Variants in IL18 observed in about 807,000 individuals in gnomAD.
IL18 encodes interleukin 18, also known as interleukin-18.
IL18 carries 8 observed loss-of-function variants against 14.2 expected under a neutral mutation model. That is an observed-to-expected ratio of 0.56 (90% CI 0.33 to 1.01). The LOEUF is 1.01. IL18 is among the 50% of genes least tolerant of loss of function. IL18 has a pLI of 0.03. For missense variants in IL18, 166 were observed against 231.1 expected, an observed-to-expected ratio of 0.72 and a Z score of 1.83; for synonymous variants, 67 against 71.0, an observed-to-expected ratio of 0.94 and a Z score of 0.28.
At chr11:112,154,723 G>T (rs1866503756) in intron 2 of IL18, among the ~76,000 whole-genome samples, 1 of 152,216 alleles carries the variant, frequency 6.6e-6, no homozygotes, top group Admixed American at 6.5e-5. Context: ...GGATTTTCAT[G>T]ATGTGCACTT....
At chr11:112,151,405 T>C (rs1411955814) in intron 3 of IL18, among the ~76,000 whole-genome samples, 2 of 152,150 alleles carry the variant, frequency 1.3e-5, no homozygotes, top group African/African-American at 4.8e-5. Context: ...GTAGCTATCA[T>C]TATTTCTGGG....
At chr11:112,152,019 T>C (rs192795743) in intron 3 of IL18, among the ~76,000 whole-genome samples, 1 of 152,330 alleles carries the variant, frequency 6.6e-6, no homozygotes, top group Non-Finnish European at 1.5e-5. Context: ...TGCATAAGCC[T>C]TCAATATCTC....
At chr11:112,157,160 C>T (rs1866548642) in intron 1 of IL18, among the ~76,000 whole-genome samples, 1 of 152,086 alleles carries the variant, frequency 6.6e-6, no homozygotes, top group South Asian at 2.1e-4. Flanking sequence ...ACTGAGAAGG[C>T]AGACATTTGT....
Position 112,153,349 on chromosome 11 carries a change from T to A in IL18, c.91+243A>T, listed in dbSNP as rs1866480053. The A allele has an allele frequency of 2.4e-5, 9 of 379,000 alleles. No homozygotes were observed. The East Asian group carries it at 3.1e-4, about 13-fold the overall frequency. 23.5% of individuals were successfully genotyped at this position (379,000 alleles called of 1,614,324 possible). ...CCTATGAAACAGGCAAAGTCTATTT[T>A]GTAGATTCTAAGAGCTGGAGAATTT... On this transcript the variant is annotated intron_variant, in intron 3 of 5. Coordinates refer to ENST00000280357, the MANE Select transcript of IL18 (RefSeq NM_001562.4).
In IL18 at chr11:112,143,573, C is replaced by T. The variant is rs201110375; in HGVS notation, c.*23G>A. The T allele has an allele frequency of 4.1e-5, 63 of 1,527,698 alleles. 1 individual carries two copies. The highest frequency in any genetic ancestry group is 3.4e-4 in the Middle Eastern group (2 of 5,944). The allele number at this position is 1,527,698 out of a possible 1,614,324, so 94.6% of individuals were successfully genotyped here. On this transcript the variant is annotated 3_prime_UTR_variant, in exon 6 of 6. Coordinates refer to ENST00000280357, the MANE Select transcript of IL18 (RefSeq NM_001562.4). The stretch of plus-strand genomic sequence containing the variant: ...CTGGGATTACAGGCGTGAGCCACTG[C>T]GCCCGGCATGAAATTTTAATAGCTA...
In IL18 at chr11:112,150,083, G is replaced by C; in HGVS notation, c.215C>G (p.Ser72Cys). 1 of 1,600,888 alleles carries C rather than the reference G, an allele frequency of 6.2e-7. No individual in the cohort carries two copies. The highest frequency in any genetic ancestry group is 8.5e-7 in the Non-Finnish European group (1 of 1,176,422). ...ATTAAAAAAAATACCTCTACAGTCA[G>C]AATCAGTCATATCTTCAAATAGAGG... ...NRPLFEDMTD[S>C]DCRDNAPRTI... Residue 72 changes from serine to cysteine, a missense_variant, in exon 4 of 6, where the codon TCT (serine) becomes TGT (cysteine). Ser to Cys is a moderately radical substitution (Grantham distance 112). Coordinates refer to ENST00000280357, the MANE Select transcript of IL18 (RefSeq NM_001562.4).
chr11:112,157,645 G>C (rs1000943879), intron 1 of IL18, among the ~76,000 whole-genome samples: 1 of 152,156 alleles, frequency 6.6e-6, no homozygotes, highest in African/African-American at 2.4e-5. Flanking sequence ...TGATGACTGT[G>C]CTACCTTGAA....
At chr11:112,153,042 C>G (rs1179270592) in intron 3 of IL18, 3 of 152,490 alleles carry the variant, frequency 2.0e-5, no homozygotes, top group African/African-American at 7.2e-5. Context: ...TACTCCTACT[C>G]TACTTCCATT....
chr11:112,149,347 C>A (rs1293226423), intron 4 of IL18, among the ~76,000 whole-genome samples: 2 of 151,804 alleles, frequency 1.3e-5, no homozygotes, highest in African/African-American at 4.8e-5. Context: ...ACAACACACA[C>A]GCTGCAACTT....
chr11:112,160,032 G>A (rs1041749167), intron 1 of IL18, among the ~76,000 whole-genome samples: 1 of 152,096 alleles, frequency 6.6e-6, no homozygotes, highest in Non-Finnish European at 1.5e-5. Flanking sequence ...TTCAAAACAT[G>A]TCCTAGTTAC....
rs1866382524 is a variant in IL18 at position 112,148,681 on chromosome 11, T to C, written c.282A>G (p.Arg94=). Residue 94 remains arginine, a synonymous_variant, in exon 5 of 6, where the codon AGA becomes AGG. Transcript: ENST00000280357. The stretch of plus-strand genomic sequence containing the variant: ...TCACAGAGATAGTTACAGCCATACC[T>C]CTAGGCTGGCTATCTTTATACATAC... ...IISMYKDSQP[R]GMAVTISVKC... is the part of the protein sequence containing the mutation. The C allele has an allele frequency of 2.0e-6, 3 of 1,506,048 alleles. No homozygotes were observed. The East Asian group carries it at 7.6e-5, about 38-fold the overall frequency. The allele number at this position is 1,506,048 out of a possible 1,614,324, so 93.3% of individuals were successfully genotyped here.
intron 5 of IL18, among the ~76,000 whole-genome samples, chr11:112,147,546 A>G (rs948434698): frequency 6.6e-6 from 1 of 152,104 alleles, no homozygotes; most frequent in African/African-American, 2.4e-5. Context: ...TGCTATTTTG[A>G]TAACTAAGCT....
At chr11:112,162,189 C>G (rs879464781) in intron 1 of IL18, among the ~76,000 whole-genome samples, 4 of 151,816 alleles carry the variant, frequency 2.6e-5, no homozygotes, top group African/African-American at 9.7e-5. Flanking sequence ...GTTTAAATGG[C>G]CTAGTTTGAA....
intron 3 of IL18, among the ~76,000 whole-genome samples, chr11:112,151,654 C>G (rs1866440821): frequency 6.6e-6 from 1 of 152,140 alleles, no homozygotes; most frequent in Non-Finnish European, 1.5e-5. Context: ...CTGTTTCACT[C>G]ATTGCAATCT....
Position 112,148,706 on chromosome 11 carries a change from C to G in IL18, c.257G>C (p.Ser86Thr), listed in dbSNP as rs780531931. 2.0e-6 allele frequency: 3 copies of G among 1,482,194 alleles called. No homozygotes were observed. The highest frequency in any genetic ancestry group is 2.9e-5 in the African/African-American group (2 of 69,496). 91.8% of individuals were successfully genotyped at this position (1,482,194 alleles called of 1,614,324 possible). ...DNAPRTIFII[S>T]MYKDSQPRGM... ...TCTAGGCTGGCTATCTTTATACATA[C>G]TTATAATAAATATGGTCCGGGGTGC... The change falls in exon 5 of 6, where the codon AGT becomes ACT. Residue 86 changes from serine to threonine, a missense_variant. Ser to Thr is a moderately conservative substitution (Grantham distance 58). Transcript: ENST00000280357.
At chr11:112,162,565 G>A (rs1428108789) in intron 1 of IL18, among the ~76,000 whole-genome samples, 1 of 152,014 alleles carries the variant, frequency 6.6e-6, no homozygotes, top group Non-Finnish European at 1.5e-5. Flanking sequence ...GGCTGGTCTT[G>A]AACTCCTGAG....
At chr11:112,160,150 A>G (rs1014968541) in intron 1 of IL18, among the ~76,000 whole-genome samples, 4 of 150,390 alleles carry the variant, frequency 2.7e-5, no homozygotes, top group African/African-American at 9.7e-5. Context: ...AGAATTTGGT[A>G]TCTCCTCTCC....
rs574112940 is a variant in IL18 at position 112,148,263 on chromosome 11, T to A, written c.360+340A>T. Among the ~76,000 whole-genome samples, 77 of 152,312 alleles carry A rather than the reference T, an allele frequency of 5.1e-4. 2 individuals are homozygous for A. The South Asian group carries it at 0.016, about 32-fold the overall frequency. On this transcript the variant is annotated intron_variant, in intron 5 of 5. Transcript: ENST00000280357. Reference sequence around the variant, plus strand: ...ATTCTGGAAAGTCACATGTTATTCTTAAATGTATAACTCACATATGTATTC... The same window carrying A: ...ATTCTGGAAAGTCACATGTTATTCTAAAATGTATAACTCACATATGTATTC...
chr11:112,151,515 CTTTAT>C (rs1264390220), intron 3 of IL18, among the ~76,000 whole-genome samples: 3 of 152,092 alleles, frequency 2.0e-5, no homozygotes, highest in Non-Finnish European at 4.4e-5. Context: ...GCACAAAGCT[CTTTAT>C]TTTGAGATTT....
Sources: allele counts gnomAD v4.1 joint callset (sites outside exome capture counted in the v4.1 genomes callset), GRCh38; gene constraint gnomAD v4.1.1; transcripts MANE v1.5; gene names NCBI Gene and HGNC (gene_info 2026-07-23, HGNC 2026-07-21).